The following CAVIN1 variants were observed in gnomAD, a reference collection of about 807,000 sequenced individuals.
The protein encoded by CAVIN1 is caveolae-associated protein 1.
CAVIN1 carries 16 observed loss-of-function variants against 24.0 expected under a neutral mutation model. The ratio of observed to expected loss-of-function variants is 0.67; its 90% CI spans 0.45 to 1.01. The LOEUF (loss-of-function observed/expected upper bound fraction) is 1.01, where lower values mean the gene tolerates loss of function less well. Among genes scored for constraint, CAVIN1 ranks in the 50% least tolerant of loss-of-function variants. The pLI is 0.00. For missense variants in CAVIN1, 510 were observed against 551.7 expected (o/e 0.92, Z 0.76); for synonymous variants, 256 against 256.4 (o/e 1.00, Z 0.02).
intron 1 of CAVIN1, among the ~76,000 whole-genome samples, chr17:42,408,336 G>C (rs898223781): frequency 6.6e-5 from 10 of 151,912 alleles, no homozygotes; most frequent in African/African-American, 2.4e-4. Flanking sequence ...TGGCTTCCTA[G>C]ATAAAGGTCT....
intron 1 of CAVIN1, among the ~76,000 whole-genome samples, chr17:42,414,786 A>G (rs113189713): frequency 0.012 from 1,876 of 152,240 alleles, 23 homozygotes; most frequent in Non-Finnish European, 0.021. Context: ...GCAGGGTACA[A>G]GGAGGAGGTG....
chr17:42,410,829 G>A (rs565599371), intron 1 of CAVIN1, among the ~76,000 whole-genome samples: 3 of 131,668 alleles, frequency 2.3e-5, no homozygotes, highest in Non-Finnish European at 4.7e-5. Context: ...GGGAGGTGGA[G>A]ATTGCAGTGA....
At chr17:42,414,920 T>TC (rs1293424848) in intron 1 of CAVIN1, among the ~76,000 whole-genome samples, 1 of 36,714 alleles carries the variant, frequency 2.7e-5, no homozygotes, top group African/African-American at 1.1e-4. Context: ...GCCCCTCCCC[T>TC]CCCCAACACC....
At position 42,405,136 on chromosome 17, in the gene CAVIN1, C is replaced by G. The variant is rs558595833; in HGVS notation, c.724G>C (p.Glu242Gln). The change falls in exon 2 of 2, where the codon GAG becomes CAG. Residue 242 changes from glutamate (E) to glutamine (Q), a missense_variant. By Grantham distance (29) the Glu-to-Gln change is conservative. Transcript: ENST00000357037. ...FKKAFSKEKM[E>Q]KTKVRTRENL... ...TCGCGGGTACGCACCTTGGTCTTCT[C>G]CATCTTCTCCTTGGAGAAGGCCTTC... 1 of 1,614,026 alleles carries G rather than the reference C, an allele frequency of 6.2e-7. No individual in the cohort carries two copies. Among genetic ancestry groups the G allele is most frequent in the South Asian group, 1.1e-5 (1 of 91,082 alleles).
rs780263881 is a variant in CAVIN1 at position 42,405,011 on chromosome 17, G to A, written c.849C>T (p.Pro283=). The change falls in exon 2 of 2, where the codon CCC becomes CCT. Residue 283 remains proline (P), a synonymous_variant. Coordinates refer to ENST00000357037, the MANE Select transcript of CAVIN1 (RefSeq NM_012232.6). The part of the protein sequence containing the change: ...RMNKLGTRLV[P]AERREKLKTS... ...TCTTCAGTTTCTCGCGCCGCTCGGC[G>A]GGCACCAGGCGCGTGCCCAGCTTGT... 1.9e-6 allele frequency: 3 copies of A among 1,614,016 alleles called. No homozygotes were observed. Among genetic ancestry groups the A allele is most frequent in the African/African-American group, 1.3e-5 (1 of 74,946 alleles).
intron 1 of CAVIN1, among the ~76,000 whole-genome samples, chr17:42,415,773 A>T (rs987507573): frequency 6.6e-6 from 1 of 152,136 alleles, no homozygotes; most frequent in African/African-American, 2.4e-5. Flanking sequence ...AATTTAAAAA[A>T]TGCTAATGAC....
intron 1 of CAVIN1, among the ~76,000 whole-genome samples, chr17:42,409,549 G>A (rs1195244514): frequency 6.6e-6 from 1 of 152,244 alleles, no homozygotes; most frequent in South Asian, 2.1e-4. Context: ...GACAGGAGAC[G>A]AAACAACTTG....
In CAVIN1 at chr17:42,423,236, A is replaced by G. The variant is rs2085569852; in HGVS notation, c.-139T>C. The G allele has an allele frequency of 1.1e-5, 8 of 701,922 alleles. No homozygotes were observed. Among genetic ancestry groups the G allele is most frequent in the Non-Finnish European group, 1.9e-5 (8 of 428,196 alleles). 43.5% of individuals were successfully genotyped at this position (701,922 alleles called of 1,614,324 possible). A position where few individuals can be genotyped will look rare whatever the true frequency, so the allele number is the denominator to read the frequency against. ...GGAAACTCGAGCCACGTCCGTGCGC[A>G]CCGGGACAGCGGCCAGAACTGCTGG... On this transcript the variant is annotated 5_prime_UTR_variant, in exon 1 of 2. Transcript: ENST00000357037.
At chr17:42,412,131 A>G (rs1389748112) in intron 1 of CAVIN1, 3 of 985,204 alleles carry the variant, frequency 3.0e-6, no homozygotes, top group Non-Finnish European at 3.6e-6. Context: ...GCGTCTGGTC[A>G]AAAGGTGGGA....
At chr17:42,411,211 T>TAAAAAAAAAAAAAAAAAAAG (rs1468503843) in intron 1 of CAVIN1, among the ~76,000 whole-genome samples, 1 of 45,858 alleles carries the variant, frequency 2.2e-5, no homozygotes. Flanking sequence ...AAAAAAAAAC[T>TAAAAAAAAAAAAAAAAAAAG]AAAAGGTCTG....
intron 1 of CAVIN1, among the ~76,000 whole-genome samples, chr17:42,419,163 C>T (rs185224247): frequency 3.3e-4 from 50 of 152,220 alleles, no homozygotes; most frequent in African/African-American, 9.6e-4. Context: ...TGTCACTGCA[C>T]TCCAGCTTGA....
chr17:42,416,907 G>A (rs766763933), intron 1 of CAVIN1, among the ~76,000 whole-genome samples: 1 of 152,140 alleles, frequency 6.6e-6, no homozygotes, highest in Non-Finnish European at 1.5e-5. Context: ...GCGATTTGGG[G>A]AGGAGAAGCC....
intron 1 of CAVIN1, among the ~76,000 whole-genome samples, chr17:42,406,292 G>A (rs2085446234): frequency 6.6e-6 from 1 of 152,176 alleles, no homozygotes; most frequent in East Asian, 1.9e-4. Flanking sequence ...GTTGAAAGCG[G>A]GTAGGGGTTT....
intron 1 of CAVIN1, among the ~76,000 whole-genome samples, chr17:42,422,159 C>T (rs1469170962): frequency 1.3e-5 from 2 of 152,178 alleles, no homozygotes; most frequent in East Asian, 3.9e-4. Context: ...ATCAGGCCCG[C>T]AGGCGCAGAG....
Position 42,423,223 on chromosome 17 carries a change from C to G in CAVIN1, c.-126G>C. On this transcript the variant is annotated 5_prime_UTR_variant, in exon 1 of 2. Coordinates refer to ENST00000357037, the MANE Select transcript of CAVIN1 (RefSeq NM_012232.6). The stretch of plus-strand genomic sequence containing the variant: ...AGCGGAGAGCAGAGGAAACTCGAGC[C>G]ACGTCCGTGCGCACCGGGACAGCGG... 1 of 762,954 alleles carries G rather than the reference C, an allele frequency of 1.3e-6. No individual in the cohort carries two copies. Among genetic ancestry groups the G allele is most frequent in the Non-Finnish European group, 2.1e-6 (1 of 482,326 alleles). 47.3% of individuals were successfully genotyped at this position (762,954 alleles called of 1,614,324 possible).
intron 1 of CAVIN1, among the ~76,000 whole-genome samples, chr17:42,417,592 C>A (rs921984495): frequency 6.6e-6 from 1 of 152,130 alleles, no homozygotes. Flanking sequence ...AAGCCTGCTG[C>A]ACTACCAGTT....
Position 42,405,155 on chromosome 17 carries a change from G to T in CAVIN1, c.705C>A (p.Ala235=). The part of the protein sequence containing the change: ...GLRRVDDFKK[A]FSKEKMEKTK... The stretch of plus-strand genomic sequence containing the variant: ...TCTTCTCCATCTTCTCCTTGGAGAA[G>T]GCCTTCTTGAAGTCGTCCACGCGCC... The change falls in exon 2 of 2, where the codon GCC becomes GCA. Residue 235 remains alanine (A), a synonymous_variant. Coordinates refer to ENST00000357037, the MANE Select transcript of CAVIN1 (RefSeq NM_012232.6). The T allele has an allele frequency of 6.2e-7, 1 of 1,613,960 alleles. No individual in the cohort carries two copies. Among genetic ancestry groups the T allele is most frequent in the Non-Finnish European group, 8.5e-7 (1 of 1,179,980 alleles).
At chr17:42,405,488 GA>G in intron 1 of CAVIN1, 100 bp from the exon 2 acceptor site, 2 of 1,246,712 alleles carry the variant, frequency 1.6e-6, no homozygotes, top group Non-Finnish European at 2.3e-6. Flanking sequence ...GGGAGCATGG[GA>G]CGCTCGTGGT....
At position 42,404,316 on chromosome 17, in the gene CAVIN1, C is replaced by T. The variant is rs1226393967; in HGVS notation, c.*371G>A. The T allele has an allele frequency of 5.4e-6, 1 of 184,490 alleles. No individual in the cohort carries two copies. Among genetic ancestry groups the T allele is most frequent in the Non-Finnish European group, 1.1e-5 (1 of 89,938 alleles). 11.4% of individuals were successfully genotyped at this position (184,490 alleles called of 1,614,324 possible). ...ATCAGGGTGAGAATGAAGAAGAGCT[C>T]AGTGAGCGGAATGACAGCAGCTGGG... is the stretch of plus-strand genomic sequence containing the variant. On this transcript the variant is annotated 3_prime_UTR_variant, in exon 2 of 2. Transcript: ENST00000357037.
Sources: gnomAD v4.1 joint callset for allele counts (sites outside exome capture counted in the v4.1 genomes callset) on GRCh38, gnomAD v4.1.1 for gene constraint, MANE v1.5 for transcripts, NCBI Gene and HGNC (gene_info 2026-07-23, HGNC 2026-07-21) for gene names.